CD2AP: variants seen among roughly 807,000 people sequenced by gnomAD.
CD2AP encodes CD2 associated protein.
CD2AP carries 46 observed loss-of-function variants against 85.1 expected under a neutral mutation model. The observed-to-expected ratio is 0.54, with a 90% CI of 0.43 to 0.69. CD2AP has a LOEUF of 0.69. CD2AP is among the 30% of genes least tolerant of loss of function. The pLI is 0.00. For missense variants in CD2AP, 769 were observed against 729.5 expected (o/e 1.05, Z -0.62); for synonymous variants, 255 against 252.9 (o/e 1.01, Z -0.08).
chr6:47,499,307 A>ATGTGTGTG (rs34508069), intron 1 of CD2AP, among the ~76,000 whole-genome samples: 2 of 150,240 alleles, frequency 1.3e-5, no homozygotes, highest in Admixed American at 1.3e-4. Context: ...GTGTATGTGC[A>ATGTGTGTG]TGTGTGTGTG....
chr6:47,509,801 G>A (rs544829869), intron 2 of CD2AP, among the ~76,000 whole-genome samples: 25 of 152,116 alleles, frequency 1.6e-4, no homozygotes, highest in African/African-American at 5.8e-4. Flanking sequence ...GTATTTTGGC[G>A]GACTACAGTA....
chr6:47,611,923 A>G lies in CD2AP; in HGVS notation c.1815-550A>G, dbSNP rs527591950. On this transcript the variant is annotated intron_variant, in intron 16 of 17. Coordinates refer to ENST00000359314, the MANE Select transcript of CD2AP (RefSeq NM_012120.3). ...TTCACTTAAAGCTATAGAAAAAAGGACAACTATATAGAAAGATTAGAAGGG... is the reference window on the plus strand; with the variant it reads ...TTCACTTAAAGCTATAGAAAAAAGGGCAACTATATAGAAAGATTAGAAGGG... 5.3e-5 allele frequency among the ~76,000 whole-genome samples: 8 copies of G among 152,246 alleles called. No homozygotes were observed. In the South Asian group the frequency reaches 1.7e-3, roughly 32 times the overall value.
chr6:47,546,312 A>G (rs1444482019), intron 4 of CD2AP, among the ~76,000 whole-genome samples: 1 of 152,152 alleles, frequency 6.6e-6, no homozygotes, highest in Non-Finnish European at 1.5e-5. Context: ...AAGACAAAGA[A>G]TAAGAAAATA....
chr6:47,500,828 C>A (rs1229811915), intron 1 of CD2AP, among the ~76,000 whole-genome samples: 2 of 151,462 alleles, frequency 1.3e-5, no homozygotes, highest in Non-Finnish European at 2.9e-5. Context: ...CTCACTGCAA[C>A]CTCCGCCTCC....
chr6:47,528,940 A>T (rs1268278356), intron 2 of CD2AP, among the ~76,000 whole-genome samples: 3 of 152,042 alleles, frequency 2.0e-5, no homozygotes, highest in African/African-American at 7.3e-5. Context: ...TTCTCCCATT[A>T]TGTGGCTTAT....
intron 2 of CD2AP, among the ~76,000 whole-genome samples, chr6:47,532,713 A>G (rs1026736603): frequency 4.6e-5 from 7 of 152,122 alleles, no homozygotes; most frequent in Admixed American, 3.3e-4. Flanking sequence ...TTTTCCTTGA[A>G]GTATTTTCAC....
In CD2AP at chr6:47,579,415, G is replaced by T. The variant is rs147188917; in HGVS notation, c.934G>T (p.Glu312Ter). ...TGGAGAAGCTGGCTGGTGGAGGGGCGAACTTAATGGTAAAGAAGGAGTATT... is the reference window on the plus strand; with the variant it reads ...TGGAGAAGCTGGCTGGTGGAGGGGCTAACTTAATGGTAAAGAAGGAGTATT... ...ETGEAGWWRG[E>*]LNGKEGVFPD... The change falls in exon 9 of 18, where the codon GAA (glutamate) becomes TAA (stop). Residue 312 changes from glutamate (E) to a stop codon, truncating the protein, a stop_gained. Transcript: ENST00000359314. LOFTEE classifies it high-confidence loss of function. 6.2e-7 allele frequency: 1 copy of T among 1,612,866 alleles called. No individual in the cohort carries two copies. Among genetic ancestry groups the T allele is most frequent in the South Asian group, 1.1e-5 (1 of 91,030 alleles).
At chr6:47,505,877 G>C (rs1490734436) in intron 2 of CD2AP, among the ~76,000 whole-genome samples, 6 of 122,024 alleles carry the variant, frequency 4.9e-5, no homozygotes, top group Non-Finnish European at 7.1e-5. Flanking sequence ...CTCCCGGATG[G>C]GGCGGCTGGC....
intron 16 of CD2AP, among the ~76,000 whole-genome samples, 161 bp from the exon 17 acceptor site, chr6:47,612,312 T>C (rs1012646631): frequency 3.9e-5 from 6 of 152,162 alleles, no homozygotes; most frequent in African/African-American, 1.4e-4. Context: ...TATTGAACCA[T>C]TCTAACTAGA....
At chr6:47,559,630 A>G (rs1467893293) in intron 5 of CD2AP, among the ~76,000 whole-genome samples, 1 of 152,186 alleles carries the variant, frequency 6.6e-6, no homozygotes, top group Admixed American at 6.5e-5. Context: ...CATAATTGAT[A>G]AAAGATTTCT....
chr6:47,566,417 A>G (rs1768004900), intron 5 of CD2AP, among the ~76,000 whole-genome samples: 1 of 151,342 alleles, frequency 6.6e-6, no homozygotes, highest in Admixed American at 6.6e-5. Context: ...AACAGTGAAT[A>G]GTTTTTTGTG....
chr6:47,575,796 A>G (rs1768292054), intron 6 of CD2AP, among the ~76,000 whole-genome samples: 1 of 152,110 alleles, frequency 6.6e-6, no homozygotes, highest in African/African-American at 2.4e-5. Context: ...GGAACATAAG[A>G]TTACCTGAAT....
chr6:47,518,389 T>G (rs1766505334), intron 2 of CD2AP, among the ~76,000 whole-genome samples: 1 of 152,262 alleles, frequency 6.6e-6, no homozygotes, highest in Non-Finnish European at 1.5e-5. Flanking sequence ...CCTTGCAGGC[T>G]AGTGGCAACC....
chr6:47,578,694 C>T (rs1238579584), intron 8 of CD2AP, among the ~76,000 whole-genome samples: 5 of 151,174 alleles, frequency 3.3e-5, no homozygotes, highest in Admixed American at 2.6e-4. Flanking sequence ...CGCTCTGTCA[C>T]CCAGGCTGGA....
intron 2 of CD2AP, among the ~76,000 whole-genome samples, chr6:47,532,606 AT>A (rs947432662): frequency 3.4e-4 from 51 of 151,428 alleles, no homozygotes; most frequent in African/African-American, 1.2e-3. Flanking sequence ...ATTTTGTTTC[AT>A]TTATCAGTAC....
At chr6:47,581,120 T>C (rs1301809719) in intron 10 of CD2AP, among the ~76,000 whole-genome samples, 1 of 152,208 alleles carries the variant, frequency 6.6e-6, no homozygotes, top group African/African-American at 2.4e-5. Flanking sequence ...GTAGATACTT[T>C]ATATGTAATT....
intron 11 of CD2AP, among the ~76,000 whole-genome samples, chr6:47,591,428 A>G (rs922912894): frequency 6.6e-6 from 1 of 152,176 alleles, no homozygotes; most frequent in African/African-American, 2.4e-5. Context: ...ACGAATAAAT[A>G]TATTTTGTCC....
chr6:47,495,018 C>A (rs955237359), intron 1 of CD2AP, among the ~76,000 whole-genome samples: 1 of 151,906 alleles, frequency 6.6e-6, no homozygotes, highest in Admixed American at 6.6e-5. Context: ...AAAAAATTAG[C>A]CATGCATGGT....
chr6:47,532,407 AC>A (rs1225737164), intron 2 of CD2AP, among the ~76,000 whole-genome samples: 101 of 136,952 alleles, frequency 7.4e-4, no homozygotes, highest in African/African-American at 2.9e-3. Flanking sequence ...ACACACACAC[AC>A]ACACACACAC....
Sources: allele counts gnomAD v4.1 joint callset (sites outside exome capture counted in the v4.1 genomes callset), GRCh38; gene constraint gnomAD v4.1.1; transcripts MANE v1.5; gene names NCBI Gene and HGNC (gene_info 2026-07-23, HGNC 2026-07-21).